LRP2: variants seen among roughly 807,000 people sequenced by gnomAD.
The protein encoded by LRP2 is low-density lipoprotein receptor-related protein 2.
Under a neutral mutation model 531.0 loss-of-function variants are expected in LRP2, and 172 were observed. That is an observed-to-expected ratio of 0.32 (90% CI 0.29 to 0.37). LRP2 has a LOEUF of 0.37. Ranked by LOEUF, LRP2 falls within the 10% of genes least tolerant of loss-of-function variation. The probability of loss-of-function intolerance (pLI) is 1.00; values close to 1 mark genes in which losing one functional copy is unlikely to be tolerated. For synonymous variants in LRP2, 1,992 were observed against 2,027.6 expected (o/e 0.98, Z 0.47); for missense variants, 5,167 against 5,868.3 (o/e 0.88, Z 3.90).
At chr2:169,309,595 G>T (rs1684534056) in intron 3 of LRP2, among the ~76,000 whole-genome samples, 1 of 152,086 alleles carries the variant, frequency 6.6e-6, no homozygotes, top group African/African-American at 2.4e-5. Flanking sequence ...CTGTGTTTTG[G>T]TACCAGTACC....
intron 1 of LRP2, among the ~76,000 whole-genome samples, chr2:169,347,348 C>T (rs892424739): frequency 1.3e-5 from 2 of 152,180 alleles, no homozygotes; most frequent in Admixed American, 1.3e-4. Flanking sequence ...TAGGAAATGT[C>T]TTCTCCATCT....
chr2:169,151,180 C>T (rs537425901), intron 67 of LRP2, among the ~76,000 whole-genome samples, 154 bp from the exon 68 acceptor site: 40 of 152,262 alleles, frequency 2.6e-4, no homozygotes, highest in Admixed American at 2.6e-3. Flanking sequence ...GGGGGAACTA[C>T]AGCCAAGGGG....
intron 21 of LRP2, 121 bp from the exon 22 acceptor site, chr2:169,245,053 A>G: frequency 9.3e-7 from 1 of 1,072,736 alleles, no homozygotes; most frequent in Non-Finnish European, 1.4e-6. Context: ...ATAAGGAGAA[A>G]TGTTCATCAA....
At position 169,226,512 on chromosome 2, in the gene LRP2, A is replaced by G. The variant is rs1310029814; in HGVS notation, c.5304T>C (p.Asn1768=). The stretch of plus-strand genomic sequence containing the variant: ...TCCCTGCTATGGGGACCATAGCATC[A>G]TTGCTCTTCACCTCAGGATTAAGGG... ...GISLNPEVKS[N]DAMVPIAGIQ... is the part of the protein sequence containing the mutation. The change falls in exon 32 of 79, where the codon AAT becomes AAC. Residue 1768 remains asparagine, a synonymous_variant. Coordinates refer to ENST00000649046, the MANE Select transcript of LRP2 (RefSeq NM_004525.3). 2.5e-6 allele frequency: 4 copies of G among 1,610,754 alleles called. No homozygotes were observed. The highest frequency in any genetic ancestry group is 3.4e-6 in the Non-Finnish European group (4 of 1,177,100).
At chr2:169,182,441 T>C (rs1170779593) in intron 50 of LRP2, 122 bp from the exon 51 acceptor site, 2 of 1,578,940 alleles carry the variant, frequency 1.3e-6, no homozygotes, top group African/African-American at 2.7e-5. Context: ...GTCACCTTTC[T>C]TCAGGCAAAT....
chr2:169,355,929 C>T (rs149411100), intron 1 of LRP2, among the ~76,000 whole-genome samples: 4 of 152,286 alleles, frequency 2.6e-5, no homozygotes, highest in East Asian at 1.9e-4. Flanking sequence ...CTCACTCTGT[C>T]GCTGAGGCTG....
chr2:169,244,935 A>G lies in LRP2; in HGVS notation c.3191-3T>C. 1 of 1,614,180 alleles carries G rather than the reference A, an allele frequency of 6.2e-7. No homozygotes were observed. The highest frequency in any genetic ancestry group is 1.1e-5 in the South Asian group (1 of 91,078). On this transcript the variant is annotated splice_polypyrimidine_tract_variant and splice_region_variant and intron_variant, in intron 21 of 78. Coordinates refer to ENST00000649046, the MANE Select transcript of LRP2 (RefSeq NM_004525.3). ...CGCCGAAGATGAACAGGTATTATCT[A>G]CAATAGTAACAAACTGGTCATGAAG... is the stretch of plus-strand genomic sequence containing the variant.
chr2:169,276,510 A>G (rs182736897), intron 13 of LRP2, among the ~76,000 whole-genome samples: 27 of 152,248 alleles, frequency 1.8e-4, no homozygotes, highest in Admixed American at 1.5e-3. Flanking sequence ...TAATTTTTTC[A>G]TAAAATTTAT....
intron 4 of LRP2, among the ~76,000 whole-genome samples, chr2:169,295,168 G>A (rs994336237): frequency 3.3e-5 from 5 of 152,172 alleles, no homozygotes; most frequent in East Asian, 3.9e-4. Context: ...TTCCACTGGC[G>A]GGTTGCAGAA....
intron 68 of LRP2, 84 bp from the exon 69 acceptor site, chr2:169,147,043 G>T: frequency 9.6e-7 from 1 of 1,041,094 alleles, no homozygotes; most frequent in Non-Finnish European, 1.5e-6. Flanking sequence ...TACCTACAGG[G>T]AAACCAACTG....
In LRP2 at chr2:169,205,338, A is replaced by G; in HGVS notation, c.7715+141T>C. 3.4e-6 allele frequency: 3 copies of G among 882,148 alleles called. No individual in the cohort carries two copies. In the South Asian group the frequency reaches 4.5e-5, roughly 13 times the overall value. The allele number at this position is 882,148 out of a possible 1,614,324, so 54.6% of individuals were successfully genotyped here. A position where few individuals can be genotyped will look rare whatever the true frequency, so the allele number is the denominator to read the frequency against. ...GTTCACCAAGTTCCAATATAAACAT[A>G]GTTCCTAAAACTGTGATTCTATATT... On this transcript the variant is annotated intron_variant, in intron 41 of 78. Transcript: ENST00000649046.
At chr2:169,351,875 C>T (rs952638) in intron 1 of LRP2, among the ~76,000 whole-genome samples, 3,764 of 152,022 alleles carry the variant, frequency 0.025, 53 homozygotes, top group Middle Eastern at 0.034. Context: ...CTGCTGAGCG[C>T]GTATGTATGC....
chr2:169,145,328 C>G lies in LRP2; in HGVS notation c.12988+419G>C, dbSNP rs892422344. ...ACTGGCCATTTTAAACTAAGACCTA[C>G]ATATCTCAGGTTGACCTGACTAGCC... is the stretch of plus-strand genomic sequence containing the variant. On this transcript the variant is annotated intron_variant, in intron 70 of 78. Transcript: ENST00000649046. 8.5e-5 allele frequency among the ~76,000 whole-genome samples: 13 copies of G among 152,308 alleles called. No homozygotes were observed. The South Asian group carries it at 2.7e-3, about 32-fold the overall frequency.
At chr2:169,295,776 C>T (rs2673165) in intron 4 of LRP2, among the ~76,000 whole-genome samples, 93,913 of 151,886 alleles carry the variant, frequency 0.62, 30,505 homozygotes, top group Middle Eastern at 0.76. Flanking sequence ...TTAGTTCATT[C>T]GGCTTTTTAA....
At chr2:169,259,314 A>C in intron 16 of LRP2, 97 bp from the exon 17 acceptor site, 1 of 726,592 alleles carries the variant, frequency 1.4e-6, no homozygotes. Context: ...TCAGAGTTAG[A>C]GCATATTTCA....
chr2:169,296,363 A>G (rs1012148981), intron 4 of LRP2, among the ~76,000 whole-genome samples: 1 of 151,940 alleles, frequency 6.6e-6, no homozygotes, highest in African/African-American at 2.4e-5. Context: ...GCCAGTGCCT[A>G]GAGTTATTGC....
At chr2:169,220,382 C>T in intron 34 of LRP2, 72 bp downstream of exon 34, 1 of 1,117,064 alleles carries the variant, frequency 9.0e-7, no homozygotes, top group South Asian at 1.2e-5. Flanking sequence ...TTGAAATCTT[C>T]CATTTTGTCA....
At chr2:169,295,276 A>T (rs1684107068) in intron 4 of LRP2, among the ~76,000 whole-genome samples, 1 of 152,176 alleles carries the variant, frequency 6.6e-6, no homozygotes, top group Non-Finnish European at 1.5e-5. Flanking sequence ...CCATGTTGCT[A>T]CTTCCCTATC....
Position 169,185,672 on chromosome 2 carries a change from G to T in LRP2, c.9676C>A (p.Leu3226Met). ...AAATCTAATGCCACAACATTGTCCA[G>T]TCCTTCCAAGATGAGGGAGTAAAAA... Reference protein sequence around the residue: ...GYFYSLILEGLDNVVALDFDR... With the variant: ...GYFYSLILEGMDNVVALDFDR... Residue 3226 changes from leucine to methionine, a missense_variant, in exon 50 of 79, where the codon CTG (leucine) becomes ATG (methionine). Physicochemically the swap from Leu to Met is conservative, Grantham distance 15. This residue lies in a region of LRP2 where 1,129 missense variants were observed against 1,362.7 expected (regional missense o/e 0.83). Coordinates refer to ENST00000649046, the MANE Select transcript of LRP2 (RefSeq NM_004525.3). 6.2e-7 allele frequency: 1 copy of T among 1,614,028 alleles called. No homozygotes were observed. The highest frequency in any genetic ancestry group is 8.5e-7 in the Non-Finnish European group (1 of 1,179,994).
Sources: allele counts gnomAD v4.1 joint callset (sites outside exome capture counted in the v4.1 genomes callset), GRCh38; gene constraint gnomAD v4.1.1; regional missense constraint gnomAD v4.1.1; transcripts MANE v1.5; gene names NCBI Gene and HGNC (gene_info 2026-07-23, HGNC 2026-07-21).